The following NTM variants were observed in gnomAD, a reference collection of about 807,000 sequenced individuals.
NTM encodes IgLON family member 2.
NTM carries 13 observed loss-of-function variants against 42.1 expected under a neutral mutation model. The observed-to-expected ratio is 0.31, with a 90% CI of 0.20 to 0.49. NTM has a LOEUF of 0.49. Ranked by LOEUF, NTM falls within the 20% of genes least tolerant of loss-of-function variation. The probability of loss-of-function intolerance (pLI) is 0.99; values close to 1 mark genes in which losing one functional copy is unlikely to be tolerated. For missense variants in NTM, 373 were observed against 452.8 expected (o/e 0.82, Z 1.60); for synonymous variants, 187 against 179.2 (o/e 1.04, Z -0.35).
intron 1 of NTM, among the ~76,000 whole-genome samples, chr11:131,428,584 C>A (rs2512651): frequency 0.41 from 62,860 of 151,922 alleles, 13,553 homozygotes; most frequent in Non-Finnish European, 0.49. Flanking sequence ...TTGTGTCACA[C>A]TGTGTGTGAC....
At chr11:131,400,424 A>T (rs1342746048) in intron 1 of NTM, among the ~76,000 whole-genome samples, 1 of 152,062 alleles carries the variant, frequency 6.6e-6, no homozygotes, top group Non-Finnish European at 1.5e-5. Flanking sequence ...CTCTAGTTTA[A>T]ATTCCTGGAG....
chr11:132,318,431 G>GAACATCAT (rs1350310515), intron 7 of NTM, among the ~76,000 whole-genome samples: 10 of 152,152 alleles, frequency 6.6e-5, no homozygotes, highest in Non-Finnish European at 1.3e-4. Flanking sequence ...CCCCTCAGTG[G>GAACATCAT]AACATCATAG....
intron 1 of NTM, among the ~76,000 whole-genome samples, chr11:131,905,510 T>C (rs1186482565): frequency 6.6e-6 from 1 of 152,142 alleles, no homozygotes; most frequent in Non-Finnish European, 1.5e-5. Context: ...ACGAGATTCC[T>C]GCCCATGCTT....
intron 2 of NTM, among the ~76,000 whole-genome samples, chr11:132,098,010 A>C (rs903372307): frequency 6.6e-6 from 1 of 152,264 alleles, no homozygotes; most frequent in Non-Finnish European, 1.5e-5. Context: ...ATTCGTGGCA[A>C]GTATTTTGCT....
At chr11:132,065,663 T>A (rs1252518828) in intron 2 of NTM, among the ~76,000 whole-genome samples, 1 of 152,194 alleles carries the variant, frequency 6.6e-6, no homozygotes, top group Non-Finnish European at 1.5e-5. Context: ...TCTAGCCTGG[T>A]AGTGGAAAAA....
chr11:131,428,880 CAAAAA>C (rs35312475), intron 1 of NTM, among the ~76,000 whole-genome samples: 161 of 83,984 alleles, frequency 1.9e-3, no homozygotes, highest in African/African-American at 7.2e-3. Flanking sequence ...ACTAAAAATA[CAAAAA>C]AAAAAAAAAA....
chr11:132,200,562 A>G (rs1336291953), intron 3 of NTM, among the ~76,000 whole-genome samples: 5 of 152,208 alleles, frequency 3.3e-5, no homozygotes, highest in Admixed American at 3.3e-4. Flanking sequence ...ACAGTTTTAT[A>G]GCTTGTGTTT....
intron 1 of NTM, among the ~76,000 whole-genome samples, chr11:131,528,827 C>T (rs2050851494): frequency 6.6e-6 from 1 of 152,230 alleles, no homozygotes; most frequent in Non-Finnish European, 1.5e-5. Flanking sequence ...TGGATCTCCT[C>T]TTCCCTGACC....
chr11:132,089,580 T>C (rs1012661126), intron 2 of NTM, among the ~76,000 whole-genome samples: 6 of 152,234 alleles, frequency 3.9e-5, no homozygotes, highest in Admixed American at 6.5e-5. Context: ...ATGAATTTTT[T>C]CATAACAAAT....
chr11:131,970,313 C>T (rs1269728621), intron 2 of NTM, among the ~76,000 whole-genome samples: 2 of 150,724 alleles, frequency 1.3e-5, no homozygotes, highest in African/African-American at 4.8e-5. Flanking sequence ...TTCTGTTTGG[C>T]TTCCATGTTC....
At chr11:132,012,637 AG>A (rs1364666017) in intron 2 of NTM, among the ~76,000 whole-genome samples, 1 of 152,232 alleles carries the variant, frequency 6.6e-6, no homozygotes, top group Non-Finnish European at 1.5e-5. Flanking sequence ...ACATTTGCTT[AG>A]AATTTTGAGT....
chr11:132,050,535 T>C (rs1002559193), intron 2 of NTM, among the ~76,000 whole-genome samples: 3 of 151,924 alleles, frequency 2.0e-5, no homozygotes, highest in African/African-American at 7.3e-5. Flanking sequence ...TACCATGAAG[T>C]GGGGAGACAG....
rs1264701076 is a variant in NTM at position 132,259,815 on chromosome 11, G to A, written c.526+47668G>A. Among the ~76,000 whole-genome samples the A allele has an allele frequency of 3.3e-5, 5 of 151,978 alleles. No homozygotes were observed. In the East Asian group the frequency reaches 7.8e-4, roughly 24 times the overall value. Reference sequence around the variant, plus strand: ...CCCAGGCTGTAGTGCAATGGTGTGAGCTTGGCTCACTGCAAACTCCGCCTC... The same window carrying A: ...CCCAGGCTGTAGTGCAATGGTGTGAACTTGGCTCACTGCAAACTCCGCCTC... On this transcript the variant is annotated intron_variant, in intron 4 of 8. Coordinates refer to ENST00000683400, the MANE Select transcript of NTM (RefSeq NM_001352005.2).
intron 1 of NTM, among the ~76,000 whole-genome samples, chr11:131,372,356 C>T (rs1941333439): frequency 1.3e-5 from 2 of 152,094 alleles, no homozygotes; most frequent in South Asian, 2.1e-4. Context: ...CTGCTGTCCC[C>T]TAGGGGCTTT....
intron 1 of NTM, among the ~76,000 whole-genome samples, chr11:131,551,453 C>T (rs1220648688): frequency 6.6e-6 from 1 of 150,912 alleles, no homozygotes; most frequent in African/African-American, 2.4e-5. Flanking sequence ...TTGCAATGAA[C>T]CTGGTATCTA....
intron 2 of NTM, among the ~76,000 whole-genome samples, chr11:132,072,365 G>C (rs971212592): frequency 6.6e-6 from 1 of 152,148 alleles, no homozygotes; most frequent in Non-Finnish European, 1.5e-5. Context: ...AGATACCAGA[G>C]GAAATGTGTA....
At chr11:131,806,119 T>G (rs1341508647) in intron 1 of NTM, among the ~76,000 whole-genome samples, 1 of 152,222 alleles carries the variant, frequency 6.6e-6, no homozygotes, top group Non-Finnish European at 1.5e-5. Context: ...TTGACAACAT[T>G]TTTTTAAAAG....
chr11:132,130,045 T>C (rs1259981999), intron 2 of NTM, among the ~76,000 whole-genome samples: 5 of 152,248 alleles, frequency 3.3e-5, no homozygotes, highest in Non-Finnish European at 7.3e-5. Flanking sequence ...TGTATCTGAT[T>C]CTTAATTAGA....
At chr11:132,080,460 G>A (rs2058892281) in intron 2 of NTM, among the ~76,000 whole-genome samples, 1 of 152,234 alleles carries the variant, frequency 6.6e-6, no homozygotes, top group Non-Finnish European at 1.5e-5. Flanking sequence ...CGGGTAGACA[G>A]CTTTGCTTGA....
Sources: gnomAD v4.1 joint callset for allele counts (sites outside exome capture counted in the v4.1 genomes callset) on GRCh38, gnomAD v4.1.1 for gene constraint, MANE v1.5 for transcripts, NCBI Gene and HGNC (gene_info 2026-07-23, HGNC 2026-07-21) for gene names.